The following EPHB1 variants were observed in gnomAD, a reference collection of about 807,000 sequenced individuals.
EPHB1 encodes ephrin type-B receptor 1.
Under a neutral mutation model 94.4 loss-of-function variants are expected in EPHB1, and 30 were observed. The observed-to-expected ratio is 0.32, with a 90% CI of 0.24 to 0.43. EPHB1 has a LOEUF of 0.43. Among genes scored for constraint, EPHB1 ranks in the 20% least tolerant of loss-of-function variants. The probability of loss-of-function intolerance (pLI) is 1.00; values close to 1 mark genes in which losing one functional copy is unlikely to be tolerated. For synonymous variants in EPHB1, 522 were observed against 489.1 expected (o/e 1.07, Z -0.89); for missense variants, 1,055 against 1,308.3 (o/e 0.81, Z 2.99).
In EPHB1 at chr3:134,833,247, C is replaced by G. The variant is rs954214862; in HGVS notation, c.58+37558C>G. On this transcript the variant is annotated intron_variant, in intron 1 of 15. Transcript: ENST00000398015. ...CCTAGACTCCTTAGCTTTGGTCTGC[C>G]GGGGGTGCAACACTGACCCTGTGAC... Among the ~76,000 whole-genome samples, 2 of 152,144 alleles carry G rather than the reference C, an allele frequency of 1.3e-5. 1 individual carries two copies.
intron 3 of EPHB1, among the ~76,000 whole-genome samples, chr3:134,955,105 A>ATTTTTTTTTTTTTTTTTTT (rs1174011769): frequency 1.5e-3 from 36 of 24,126 alleles, no homozygotes; most frequent in Non-Finnish European, 1.9e-3. Context: ...TTTTTTTTTA[A>ATTTTTTTTTTTTTTTTTTT]TTTTTTTTTT....
chr3:134,911,603 A>G (rs2107694759), intron 1 of EPHB1, among the ~76,000 whole-genome samples: 1 of 152,254 alleles, frequency 6.6e-6, no homozygotes. Context: ...GCAGTGAAGT[A>G]GGCCATGAAG....
intron 3 of EPHB1, among the ~76,000 whole-genome samples, chr3:135,009,450 A>T (rs1935545611): frequency 1.3e-5 from 2 of 152,342 alleles, no homozygotes; most frequent in African/African-American, 4.8e-5. Context: ...TCTGTAGATG[A>T]TGTATCCTGT....
chr3:135,152,412 T>C (rs569496282), intron 5 of EPHB1, among the ~76,000 whole-genome samples: 2 of 152,224 alleles, frequency 1.3e-5, no homozygotes, highest in East Asian at 3.9e-4. Flanking sequence ...GGCAGCAAAT[T>C]CCCAACAGGG....
At chr3:135,251,885 T>G (rs1933118042) in intron 15 of EPHB1, among the ~76,000 whole-genome samples, 1 of 152,014 alleles carries the variant, frequency 6.6e-6, no homozygotes, top group South Asian at 2.1e-4. Flanking sequence ...CTTGGAAGAG[T>G]TCTGCCAGCA....
chr3:134,865,237 AAC>A (rs56747243), intron 1 of EPHB1, among the ~76,000 whole-genome samples: 1,623 of 152,262 alleles, frequency 0.011, 21 homozygotes, highest in African/African-American at 0.037. Flanking sequence ...TTATATTATA[AAC>A]TATCTTATTT....
chr3:135,052,848 G>A (rs538843100), intron 3 of EPHB1, among the ~76,000 whole-genome samples: 10 of 87,364 alleles, frequency 1.1e-4, no homozygotes, highest in Non-Finnish European at 1.6e-4. Context: ...GCGACACAGC[G>A]AGACTCCGTC....
chr3:135,086,141 T>A (rs1476325227), intron 3 of EPHB1, among the ~76,000 whole-genome samples: 1 of 151,874 alleles, frequency 6.6e-6, no homozygotes, highest in Non-Finnish European at 1.5e-5. Flanking sequence ...TGCAGACAGA[T>A]ATGTGGGGGG....
intron 9 of EPHB1, 30 bp downstream of exon 9, chr3:135,167,036 AC>A (rs1023407411): frequency 6.2e-7 from 1 of 1,611,776 alleles, no homozygotes; most frequent in East Asian, 2.2e-5. Flanking sequence ...CCGGTGTCTG[AC>A]CCCCACAGGC....
chr3:135,185,960 C>A (rs1441035216), intron 10 of EPHB1, among the ~76,000 whole-genome samples: 1 of 152,194 alleles, frequency 6.6e-6, no homozygotes, highest in Non-Finnish European at 1.5e-5. Flanking sequence ...TCATAGAATA[C>A]CCTGGTCCTG....
rs1431756928 is a variant in EPHB1 at position 134,864,617 on chromosome 3, A to C, written c.59-61199A>C. ...TGAACCTGAAGGAGGGAAATGAATT[A>C]TTTTATCTCTCTGAAACCTTTTCCT... On this transcript the variant is annotated intron_variant, in intron 1 of 15. Transcript: ENST00000398015. Among the ~76,000 whole-genome samples the C allele has an allele frequency of 2.0e-5, 3 of 152,190 alleles. No homozygotes were observed. The East Asian group carries it at 5.8e-4, about 29-fold the overall frequency.
chr3:135,259,504 T>G lies in EPHB1; in HGVS notation c.*384T>G. On this transcript the variant is annotated 3_prime_UTR_variant, in exon 16 of 16. Coordinates refer to ENST00000398015, the MANE Select transcript of EPHB1 (RefSeq NM_004441.5). ...GAAACAGAAGCAGTGTTCCATTTTC[T>G]TCCTCACCAATGACATTCTTTTCTT... 4.7e-6 allele frequency: 1 copy of G among 214,132 alleles called. No individual in the cohort carries two copies. The highest frequency in any genetic ancestry group is 9.4e-6 in the Non-Finnish European group (1 of 105,868). The allele number at this position is 214,132 out of a possible 1,614,324, so 13.3% of individuals were successfully genotyped here. A position where few individuals can be genotyped will look rare whatever the true frequency, so the allele number is the denominator to read the frequency against.
At chr3:134,807,894 T>A (rs535588230) in intron 1 of EPHB1, among the ~76,000 whole-genome samples, 8 of 152,154 alleles carry the variant, frequency 5.3e-5, no homozygotes, top group African/African-American at 1.7e-4. Context: ...CACAGAGAAA[T>A]GCAGCTGCTG....
chr3:135,098,935 C>A (rs544442336), intron 3 of EPHB1, among the ~76,000 whole-genome samples: 1 of 149,512 alleles, frequency 6.7e-6, no homozygotes, highest in Non-Finnish European at 1.5e-5. Flanking sequence ...ATTGCTTGAC[C>A]CTGGGAGGCG....
intron 5 of EPHB1, among the ~76,000 whole-genome samples, chr3:135,134,772 C>T (rs967655468): frequency 6.6e-6 from 1 of 152,184 alleles, no homozygotes; most frequent in Non-Finnish European, 1.5e-5. Flanking sequence ...TTTAGTGTCC[C>T]AGCTTTTGGG....
chr3:134,832,975 A>G (rs1176045829), intron 1 of EPHB1, among the ~76,000 whole-genome samples: 1 of 152,244 alleles, frequency 6.6e-6, no homozygotes, highest in Non-Finnish European at 1.5e-5. Flanking sequence ...AATGACCAGT[A>G]ATGCTGTTTT....
intron 3 of EPHB1, among the ~76,000 whole-genome samples, chr3:134,972,547 A>G: frequency 7.0e-6 from 1 of 143,766 alleles, no homozygotes; most frequent in East Asian, 2.0e-4. Flanking sequence ...ATATTATTAT[A>G]TATTATAAAT....
intron 1 of EPHB1, among the ~76,000 whole-genome samples, chr3:134,899,698 C>T (rs1408182640): frequency 6.6e-6 from 1 of 151,580 alleles, no homozygotes; most frequent in African/African-American, 2.4e-5. Context: ...TTGGAAGAGA[C>T]AGGGTCTCAC....
In EPHB1 at chr3:135,149,288, C is replaced by T. The variant is rs114488359; in HGVS notation, c.1298-4864C>T. ...GTAGAATGTGTAATTTATTCAAAAC[C>T]TTTATGTGTGTTTGCCAAAAAGAGA... On this transcript the variant is annotated intron_variant, in intron 5 of 15. Coordinates refer to ENST00000398015, the MANE Select transcript of EPHB1 (RefSeq NM_004441.5). Among the ~76,000 whole-genome samples, 769 of 152,216 alleles carry T rather than the reference C, an allele frequency of 5.1e-3. 10 individuals carry two copies. Among genetic ancestry groups the T allele is most frequent in the African/African-American group, 0.018 (734 of 41,526 alleles).
Sources: allele counts gnomAD v4.1 joint callset (sites outside exome capture counted in the v4.1 genomes callset), GRCh38; gene constraint gnomAD v4.1.1; transcripts MANE v1.5; gene names NCBI Gene and HGNC (gene_info 2026-07-23, HGNC 2026-07-21).